CLSTN1: variants seen among roughly 807,000 people sequenced by gnomAD.
CLSTN1 encodes the protein calsyntenin 1.
CLSTN1 carries 28 observed loss-of-function variants against 108.3 expected under a neutral mutation model. The ratio of observed to expected loss-of-function variants is 0.26; its 90% CI spans 0.19 to 0.35. The LOEUF is 0.35. Ranked by LOEUF, CLSTN1 falls within the 10% of genes least tolerant of loss-of-function variation. CLSTN1 has a pLI of 1.00. For synonymous variants in CLSTN1, 524 were observed against 534.9 expected (o/e 0.98, Z 0.28); for missense variants, 1,157 against 1,302.6 (o/e 0.89, Z 1.72).
Position 9,741,084 on chromosome 1 carries a change from T to C in CLSTN1, c.1519+10A>G, listed in dbSNP as rs1327713735. The C allele has an allele frequency of 5.6e-6, 9 of 1,610,760 alleles. No individual in the cohort carries two copies. The highest frequency in any genetic ancestry group is 1.3e-5 in the African/African-American group (1 of 74,810). Reference sequence around the variant, plus strand: ...TTCTCGAGTCGAGGGCGGGGGGTAATGACAGGTACCTTGCCAGCAAGCCCC... The same window carrying C: ...TTCTCGAGTCGAGGGCGGGGGGTAACGACAGGTACCTTGCCAGCAAGCCCC... On this transcript the variant is annotated intron_variant, in intron 10 of 18. Transcript: ENST00000377298.
chr1:9,810,980 T>G (rs1162929297), intron 1 of CLSTN1, among the ~76,000 whole-genome samples: 6 of 152,080 alleles, frequency 3.9e-5, no homozygotes, highest in African/African-American at 1.4e-4. Flanking sequence ...ATCAACACAA[T>G]CTGTTCAGAC....
intron 9 of CLSTN1, among the ~76,000 whole-genome samples, chr1:9,742,299 T>C (rs1174383228): frequency 2.0e-5 from 3 of 152,134 alleles, no homozygotes; most frequent in African/African-American, 7.2e-5. Flanking sequence ...TCTACAAGAA[T>C]GAAATGCTCT....
intron 1 of CLSTN1, among the ~76,000 whole-genome samples, chr1:9,801,816 A>G (rs530820852): frequency 6.6e-6 from 1 of 152,060 alleles, no homozygotes; most frequent in South Asian, 2.1e-4. Flanking sequence ...TCTGCTTCCC[A>G]AAGTGCTGGG....
Position 9,734,588 on chromosome 1 carries a change from AAGG to A in CLSTN1, c.2110+357_2110+359del, listed in dbSNP as rs564823582. 2.0e-5 allele frequency among the ~76,000 whole-genome samples: 3 copies of A among 151,306 alleles called. No homozygotes were observed. Among genetic ancestry groups the A allele is most frequent in the Non-Finnish European group, 3.0e-5 (2 of 67,774 alleles). ...AGACTCCATCTCAAAAAAAAAAAAA[AAGG>A]GGGGGAGTTTCATGTGTCCTGAGCA... On this transcript the variant is annotated intron_variant, in intron 14 of 18. Coordinates refer to ENST00000377298, the MANE Select transcript of CLSTN1 (RefSeq NM_001009566.3). The surrounding 1 kb of genome is among the most constrained non-coding windows in gnomAD (Gnocchi z 4.8).
chr1:9,752,958 G>A (rs891181559), intron 4 of CLSTN1, among the ~76,000 whole-genome samples: 5 of 152,176 alleles, frequency 3.3e-5, no homozygotes, highest in African/African-American at 1.2e-4. Context: ...AGCAAGTGGT[G>A]GAGAAAAGAC....
chr1:9,765,244 C>T (rs1459665105), intron 2 of CLSTN1, among the ~76,000 whole-genome samples: 6 of 151,808 alleles, frequency 4.0e-5, no homozygotes, highest in South Asian at 2.1e-4. Context: ...ATTAGCCGGG[C>T]GTGGTGGCGG....
rs1650228431 is a variant in CLSTN1 at position 9,729,645 on chromosome 1, G to C, written c.*863C>G. ...CATAAACCACAAGGCTGCACACGGT[G>C]AGACCAGGCCACTGCCCAGGGAGCT... On this transcript the variant is annotated 3_prime_UTR_variant, in exon 19 of 19. Transcript: ENST00000377298. 6.6e-6 allele frequency: 1 copy of C among 151,162 alleles called. No individual in the cohort carries two copies. The highest frequency in any genetic ancestry group is 6.6e-5 in the Admixed American group (1 of 15,180). The allele number at this position is 151,162 out of a possible 1,614,324, so 9.4% of individuals were successfully genotyped here. A position where few individuals can be genotyped will look rare whatever the true frequency, so the allele number is the denominator to read the frequency against.
intron 10 of CLSTN1, among the ~76,000 whole-genome samples, chr1:9,739,585 T>A (rs2101086683): frequency 6.6e-6 from 1 of 152,264 alleles, no homozygotes; most frequent in Admixed American, 6.5e-5. Flanking sequence ...GGCTCATGCC[T>A]GTAATCCCAG....
intron 1 of CLSTN1, among the ~76,000 whole-genome samples, chr1:9,800,788 T>C (rs542635684): frequency 6.7e-6 from 1 of 148,430 alleles, no homozygotes; most frequent in Admixed American, 6.7e-5. Flanking sequence ...ACAAAAAAAA[T>C]TGGCCAGGAG....
chr1:9,774,384 G>T lies in CLSTN1; in HGVS notation c.92-990C>A, dbSNP rs144774094. On this transcript the variant is annotated intron_variant, in intron 1 of 18. Transcript: ENST00000377298. ...AGTTTGTGACCAGCCTGGCCAATATGTTGAAACCCTGTCTTTACTAAAAAT... is the reference window on the plus strand; with the variant it reads ...AGTTTGTGACCAGCCTGGCCAATATTTTGAAACCCTGTCTTTACTAAAAAT... Among the ~76,000 whole-genome samples the T allele has an allele frequency of 2.3e-4, 35 of 152,088 alleles. No homozygotes were observed. In the East Asian group the frequency reaches 6.2e-3, roughly 27 times the overall value.
chr1:9,756,561 A>G, intron 2 of CLSTN1, 51 bp from the exon 3 acceptor site: 1 of 1,529,282 alleles, frequency 6.5e-7, no homozygotes, highest in East Asian at 2.2e-5. Context: ...AAGAATGAAG[A>G]TGGAATACAC....
In CLSTN1 at chr1:9,823,546, C is replaced by T. The variant is rs1655275012; in HGVS notation, c.91+97G>A. ...GAATCCCGGCATCCGGCCCTACTCC[C>T]GCACCCGGACCCGAATCCCCGCACC... is the stretch of plus-strand genomic sequence containing the variant. On this transcript the variant is annotated intron_variant, in intron 1 of 18. Coordinates refer to ENST00000377298, the MANE Select transcript of CLSTN1 (RefSeq NM_001009566.3). The surrounding 1 kb of genome is among the most constrained non-coding windows in gnomAD (Gnocchi z 6.3). 4 of 788,486 alleles carry T rather than the reference C, an allele frequency of 5.1e-6. No homozygotes were observed. Among genetic ancestry groups the T allele is most frequent in the African/African-American group, 3.7e-5 (2 of 53,718 alleles). 48.8% of individuals were successfully genotyped at this position (788,486 alleles called of 1,614,324 possible).
chr1:9,754,276 C>T (rs542022735), intron 4 of CLSTN1, among the ~76,000 whole-genome samples: 2 of 152,194 alleles, frequency 1.3e-5, no homozygotes, highest in African/African-American at 4.8e-5. Context: ...TTATTAAAAA[C>T]CTAGGCCGGG....
intron 9 of CLSTN1, among the ~76,000 whole-genome samples, 158 bp downstream of exon 9, chr1:9,743,724 GTT>G: frequency 7.0e-6 from 1 of 143,592 alleles, no homozygotes; most frequent in African/African-American, 2.5e-5. Context: ...ATTTTCGTGG[GTT>G]TTTTTTTTTT....
chr1:9,815,140 T>A (rs1413215595), intron 1 of CLSTN1, among the ~76,000 whole-genome samples: 3 of 152,140 alleles, frequency 2.0e-5, no homozygotes, highest in African/African-American at 7.2e-5. Flanking sequence ...TCTCTTAATG[T>A]GTGAGGTGGT....
At chr1:9,786,206 C>T (rs1653479250) in intron 1 of CLSTN1, among the ~76,000 whole-genome samples, 3 of 152,004 alleles carry the variant, frequency 2.0e-5, no homozygotes, top group African/African-American at 4.8e-5. Context: ...AAAAAACACA[C>T]ACATTAAGTG....
intron 1 of CLSTN1, among the ~76,000 whole-genome samples, chr1:9,814,345 C>T (rs12070332): frequency 0.026 from 3,980 of 151,348 alleles, 159 homozygotes; most frequent in African/African-American, 0.089. Context: ...CTTGGGAGGA[C>T]GGAGATTGCA....
At chr1:9,738,686 A>C (rs546104683) in intron 10 of CLSTN1, among the ~76,000 whole-genome samples, 1 of 152,224 alleles carries the variant, frequency 6.6e-6, no homozygotes, top group South Asian at 2.1e-4. Context: ...ATAGAGTCTC[A>C]CTCTGTTGCC....
Position 9,730,847 on chromosome 1 carries a change from C to A in CLSTN1, c.2749-142G>T. The A allele has an allele frequency of 2.5e-6, 2 of 791,774 alleles. No individual in the cohort carries two copies. The highest frequency in any genetic ancestry group is 4.0e-6 in the Non-Finnish European group (2 of 496,594). The allele number at this position is 791,774 out of a possible 1,614,324, so 49.0% of individuals were successfully genotyped here. On this transcript the variant is annotated intron_variant, in intron 18 of 18. Transcript: ENST00000377298. This position sits in a 1 kb window ranked among gnomAD's most constrained non-coding sequence, Gnocchi z 5.6. ...AGCGACAGAGCAGCCAGGACGGCAC[C>A]GGAAGTTATATTAGAAGTGAAGGGA...
Sources: allele counts gnomAD v4.1 joint callset (sites outside exome capture counted in the v4.1 genomes callset), GRCh38; gene constraint gnomAD v4.1.1; non-coding constraint Gnocchi (gnomAD v3.1); transcripts MANE v1.5; gene names NCBI Gene and HGNC (gene_info 2026-07-23, HGNC 2026-07-21).